The following GLI3 variants were observed in gnomAD, a reference collection of about 807,000 sequenced individuals.
The protein encoded by GLI3 is GLI family zinc finger 3.
GLI3 carries 20 observed loss-of-function variants against 100.8 expected under a neutral mutation model. The ratio of observed to expected loss-of-function variants is 0.20; its 90% CI spans 0.14 to 0.29. The LOEUF (loss-of-function observed/expected upper bound fraction) is 0.29. GLI3 is among the 10% of genes least tolerant of loss of function. The probability of loss-of-function intolerance (pLI) is 1.00; values close to 1 mark genes in which losing one functional copy is unlikely to be tolerated. For missense variants in GLI3, 2,040 were observed against 2,128.5 expected (o/e 0.96, Z 0.82); for synonymous variants, 938 against 860.5 (o/e 1.09, Z -1.58).
intron 4 of GLI3, among the ~76,000 whole-genome samples, chr7:42,058,573 C>CA (rs1214397340): frequency 6.6e-6 from 1 of 152,044 alleles, no homozygotes; most frequent in Non-Finnish European, 1.5e-5. Flanking sequence ...TGCTATAAAA[C>CA]AAAAATAGTC....
At chr7:42,163,997 C>G (rs1238726369) in intron 2 of GLI3, among the ~76,000 whole-genome samples, 1 of 152,146 alleles carries the variant, frequency 6.6e-6, no homozygotes, top group African/African-American at 2.4e-5. Flanking sequence ...ATATTACTTT[C>G]CAAGCCTATG....
At chr7:42,018,249 T>A (rs76668161) in intron 10 of GLI3, among the ~76,000 whole-genome samples, 1 of 152,226 alleles carries the variant, frequency 6.6e-6, no homozygotes, top group African/African-American at 2.4e-5. Flanking sequence ...TCTTAGTCTA[T>A]ATTTTATATG....
In GLI3 at chr7:42,213,768, A is replaced by G. The variant is rs543550748; in HGVS notation, c.124+9362T>C. Reference sequence around the variant, plus strand: ...GAAATGAAACCTTATCAGGGGCTACAAAGATGGCTGGGGACAGCCTATCTG... The same window carrying G: ...GAAATGAAACCTTATCAGGGGCTACGAAGATGGCTGGGGACAGCCTATCTG... On this transcript the variant is annotated intron_variant, in intron 2 of 14. Coordinates refer to ENST00000395925, the MANE Select transcript of GLI3 (RefSeq NM_000168.6). Among the ~76,000 whole-genome samples, 19 of 152,376 alleles carry G rather than the reference A, an allele frequency of 1.2e-4. No individual in the cohort carries two copies. The South Asian group carries it at 3.9e-3, about 32-fold the overall frequency.
chr7:42,077,104 C>A (rs1350612105), intron 3 of GLI3, among the ~76,000 whole-genome samples: 3 of 152,024 alleles, frequency 2.0e-5, no homozygotes, highest in Non-Finnish European at 4.4e-5. Flanking sequence ...AACCCAGACA[C>A]GAAAGCAAGA....
chr7:42,059,605 G>T (rs141339134), intron 4 of GLI3, among the ~76,000 whole-genome samples: 1 of 152,126 alleles, frequency 6.6e-6, no homozygotes, highest in South Asian at 2.1e-4. Context: ...AACAGCTGTC[G>T]CTGTCAAAAG....
At chr7:42,063,556 G>C (rs1235027699) in intron 4 of GLI3, among the ~76,000 whole-genome samples, 2 of 152,090 alleles carry the variant, frequency 1.3e-5, no homozygotes, top group Non-Finnish European at 2.9e-5. Flanking sequence ...CCTCATGACT[G>C]CCACTTCACC....
chr7:42,179,168 G>A (rs1787541169), intron 2 of GLI3, among the ~76,000 whole-genome samples: 1 of 152,060 alleles, frequency 6.6e-6, no homozygotes, highest in African/African-American at 2.4e-5. Flanking sequence ...TTTAAGAGGG[G>A]AGTTTCCCTG....
intron 3 of GLI3, among the ~76,000 whole-genome samples, chr7:42,138,900 G>A (rs1055416899): frequency 2.0e-5 from 3 of 152,132 alleles, no homozygotes; most frequent in Admixed American, 6.5e-5. Flanking sequence ...TTAGGCCTGC[G>A]GCTCCCTAGG....
At chr7:42,203,585 T>G (rs942692242) in intron 2 of GLI3, among the ~76,000 whole-genome samples, 2 of 152,240 alleles carry the variant, frequency 1.3e-5, no homozygotes, top group African/African-American at 4.8e-5. Flanking sequence ...CTGCATAGTA[T>G]GCCACTATGT....
upstream of GLI3, among the ~76,000 whole-genome samples, chr7:42,242,324 C>T (rs1788933661): frequency 6.6e-6 from 1 of 152,212 alleles, no homozygotes; most frequent in Non-Finnish European, 1.5e-5. Context: ...ATACTTGCAG[C>T]ATCACTTGTT....
chr7:41,968,843 T>A (rs1383133650), intron 13 of GLI3, among the ~76,000 whole-genome samples: 4 of 152,166 alleles, frequency 2.6e-5, no homozygotes, highest in African/African-American at 9.7e-5. Flanking sequence ...TAGAATGATT[T>A]CACTGTTCTC....
At chr7:42,131,313 G>GT (rs1322346317) in intron 3 of GLI3, among the ~76,000 whole-genome samples, 1 of 152,150 alleles carries the variant, frequency 6.6e-6, no homozygotes, top group African/African-American at 2.4e-5. Flanking sequence ...AGGTTGGGGA[G>GT]TGGGGGGATG....
intron 10 of GLI3, among the ~76,000 whole-genome samples, chr7:42,019,893 G>C (rs905621664): frequency 3.9e-5 from 6 of 152,064 alleles, no homozygotes; most frequent in African/African-American, 7.2e-5. Flanking sequence ...CAAGAACAAA[G>C]CTAACAAAAA....
chr7:42,141,778 A>T (rs2128782792), intron 3 of GLI3, among the ~76,000 whole-genome samples: 1 of 152,338 alleles, frequency 6.6e-6, no homozygotes, highest in South Asian at 2.1e-4. Context: ...AGTTTGGATC[A>T]GAGGTTGTGT....
At chr7:42,013,024 C>T (rs547732769) in intron 10 of GLI3, among the ~76,000 whole-genome samples, 7 of 152,236 alleles carry the variant, frequency 4.6e-5, no homozygotes, top group South Asian at 2.1e-4. Context: ...GTAGAGCAGC[C>T]GAGATAAGAT....
At chr7:42,244,703 A>G (rs567332095) in intron 1 of GLI3, among the ~76,000 whole-genome samples, 10 of 141,956 alleles carry the variant, frequency 7.0e-5, no homozygotes, top group African/African-American at 1.1e-4. Context: ...AAACACCTTT[A>G]AAAAAAAAAA....
At chr7:42,156,065 A>T (rs997389697) in intron 2 of GLI3, among the ~76,000 whole-genome samples, 15 of 152,182 alleles carry the variant, frequency 9.9e-5, no homozygotes, top group African/African-American at 3.6e-4. Flanking sequence ...ACAGGCACTT[A>T]AGTGCAAGCA....
intron 2 of GLI3, among the ~76,000 whole-genome samples, chr7:42,191,725 A>G (rs1163923136): frequency 1.3e-5 from 2 of 152,008 alleles, no homozygotes; most frequent in Non-Finnish European, 2.9e-5. Context: ...AGCCCTTAAC[A>G]TATTAACTCA....
At chr7:42,210,362 A>C (rs1788247589) in intron 2 of GLI3, among the ~76,000 whole-genome samples, 1 of 116,988 alleles carries the variant, frequency 8.5e-6, no homozygotes, top group Non-Finnish European at 1.7e-5. Flanking sequence ...CCCAAGTTAA[A>C]ATAAGGTACA....
Sources: gnomAD v4.1 joint callset for allele counts (sites outside exome capture counted in the v4.1 genomes callset) on GRCh38, gnomAD v4.1.1 for gene constraint, MANE v1.5 for transcripts, NCBI Gene and HGNC (gene_info 2026-07-23, HGNC 2026-07-21) for gene names.